PPP2R2B: variants seen among roughly 807,000 people sequenced by gnomAD.
The protein encoded by PPP2R2B is protein phosphatase 2 regulatory subunit Bbeta.
A neutral mutation model predicts 46.0 loss-of-function variants in PPP2R2B; 5 were observed. The observed-to-expected ratio is 0.11, with a 90% CI of 0.06 to 0.23. PPP2R2B has a LOEUF of 0.23. Among genes scored for constraint, PPP2R2B ranks in the 10% least tolerant of loss-of-function variants. The pLI is 1.00. For synonymous variants in PPP2R2B, 215 were observed against 206.7 expected, an observed-to-expected ratio of 1.04 and a Z score of -0.34; for missense variants, 367 against 575.0, an observed-to-expected ratio of 0.64 and a Z score of 3.70.
intron 2 of PPP2R2B, among the ~76,000 whole-genome samples, chr5:147,079,675 T>G (rs932572662): frequency 4.6e-5 from 7 of 151,848 alleles, no homozygotes; most frequent in African/African-American, 1.5e-4. Context: ...TGAATAGTGG[T>G]TACCAGAGGC....
chr5:146,727,165 G>T (rs534654287), intron 2 of PPP2R2B, among the ~76,000 whole-genome samples: 3 of 151,822 alleles, frequency 2.0e-5, no homozygotes, highest in Non-Finnish European at 4.4e-5. Flanking sequence ...CAAGAACAAG[G>T]TCTCATTGTA....
chr5:146,845,164 G>A (rs558347583), intron 2 of PPP2R2B, among the ~76,000 whole-genome samples: 72 of 152,156 alleles, frequency 4.7e-4, no homozygotes, highest in African/African-American at 1.7e-3. Context: ...TGTATGGCTG[G>A]CTCATTGTCA....
intron 2 of PPP2R2B, among the ~76,000 whole-genome samples, chr5:146,702,865 C>A (rs1293393239): frequency 6.6e-6 from 1 of 152,078 alleles, no homozygotes; most frequent in Non-Finnish European, 1.5e-5. Flanking sequence ...TGAATACTAC[C>A]TTAAGGAAAC....
chr5:146,784,748 T>C (rs947938624), intron 2 of PPP2R2B, among the ~76,000 whole-genome samples: 6 of 152,216 alleles, frequency 3.9e-5, no homozygotes, highest in Non-Finnish European at 7.3e-5. Flanking sequence ...ACATTGTCCA[T>C]TTTTCTAGTT....
At chr5:146,970,336 C>A (rs1471284421) in intron 1 of PPP2R2B, among the ~76,000 whole-genome samples, 1 of 151,886 alleles carries the variant, frequency 6.6e-6, no homozygotes, top group Non-Finnish European at 1.5e-5. Flanking sequence ...TGCGGTGGTT[C>A]ATGCCTGTAA....
chr5:146,617,582 G>A (rs887896914), intron 7 of PPP2R2B, among the ~76,000 whole-genome samples: 7 of 152,122 alleles, frequency 4.6e-5, no homozygotes, highest in Non-Finnish European at 8.8e-5. Context: ...CACTATGATA[G>A]GTGCTAGAGT....
At position 146,932,890 on chromosome 5, in the gene PPP2R2B, G is replaced by A. The variant is rs191160922; in HGVS notation, c.79+122775C>T. On this transcript the variant is annotated intron_variant, in intron 1 of 8. Coordinates refer to the PPP2R2B transcript ENST00000336640. ...AAGTAGATCAAGAAGACTTCCTTGAGCAAGGGGGCAGAGGAGAAAGCTATA... is the reference window on the plus strand; with the variant it reads ...AAGTAGATCAAGAAGACTTCCTTGAACAAGGGGGCAGAGGAGAAAGCTATA... Among the ~76,000 whole-genome samples, 118 of 152,286 alleles carry A rather than the reference G, an allele frequency of 7.7e-4. No individual in the cohort carries two copies. In the East Asian group the frequency reaches 0.017, roughly 22 times the overall value.
chr5:146,634,374 G>A (rs370259), intron 7 of PPP2R2B, among the ~76,000 whole-genome samples: 19,566 of 151,846 alleles, frequency 0.13, 2,425 homozygotes, highest in African/African-American at 0.31. Context: ...TTGCTCTGTC[G>A]CCAAGGCTGG....
intron 1 of PPP2R2B, among the ~76,000 whole-genome samples, chr5:146,926,183 C>CT (rs939420358): frequency 2.6e-4 from 39 of 151,634 alleles, no homozygotes; most frequent in Admixed American, 7.9e-4. Context: ...ATGGGTAACA[C>CT]TTTTTTTTCT....
chr5:147,032,330 A>G (rs578223063), intron 1 of PPP2R2B, among the ~76,000 whole-genome samples: 2 of 152,352 alleles, frequency 1.3e-5, no homozygotes, highest in Non-Finnish European at 2.9e-5. Context: ...AGAAATGCAA[A>G]TCAAGACCGC....
intron 2 of PPP2R2B, among the ~76,000 whole-genome samples, chr5:146,808,958 GGTGT>G (rs35023590): frequency 0.38 from 55,877 of 146,156 alleles, 10,326 homozygotes; most frequent in Non-Finnish European, 0.41. Flanking sequence ...TGCTAACACT[GGTGT>G]GTGTGTGTGT....
intron 1 of PPP2R2B, among the ~76,000 whole-genome samples, chr5:146,955,558 T>C (rs1278200042): frequency 1.3e-5 from 2 of 152,076 alleles, no homozygotes; most frequent in Admixed American, 6.6e-5. Flanking sequence ...CATAAAAAAA[T>C]TAAGCCATTC....
At chr5:146,684,147 A>G (rs1342530504) in intron 5 of PPP2R2B, among the ~76,000 whole-genome samples, 1 of 152,208 alleles carries the variant, frequency 6.6e-6, no homozygotes, top group Non-Finnish European at 1.5e-5. Context: ...CAACAAATGT[A>G]AGGAAAGGAA....
At chr5:146,782,545 G>C (rs1331312214) in intron 2 of PPP2R2B, among the ~76,000 whole-genome samples, 2 of 152,126 alleles carry the variant, frequency 1.3e-5, no homozygotes, top group African/African-American at 4.8e-5. Context: ...CCAGTTATTA[G>C]CAAATTTTTC....
intron 2 of PPP2R2B, among the ~76,000 whole-genome samples, chr5:146,812,667 GTATATATATATATATATATA>G (rs1186426182): frequency 0.29 from 183 of 638 alleles, 30 homozygotes; most frequent in African/African-American, 0.46. Context: ...CCTCAGAAGA[GTATATATATATATATATATA>G]TATATATATA....
chr5:146,646,809 G>A (rs2151089457), intron 6 of PPP2R2B, among the ~76,000 whole-genome samples: 1 of 152,258 alleles, frequency 6.6e-6, no homozygotes, highest in East Asian at 1.9e-4. Context: ...CCTGTTTACT[G>A]AGCATTTGCT....
At chr5:147,030,227 G>A (rs1437318247) in intron 1 of PPP2R2B, among the ~76,000 whole-genome samples, 1 of 152,074 alleles carries the variant, frequency 6.6e-6, no homozygotes, top group Non-Finnish European at 1.5e-5. Flanking sequence ...TTATTCCTAA[G>A]TAGTTGATGT....
At chr5:146,702,907 G>A (rs114754693) in intron 2 of PPP2R2B, among the ~76,000 whole-genome samples, 2,549 of 152,302 alleles carry the variant, frequency 0.017, 22 homozygotes, top group Non-Finnish European at 0.026. Context: ...CTAAGTTCCA[G>A]ATGTAAGTTT....
intron 1 of PPP2R2B, among the ~76,000 whole-genome samples, chr5:147,041,923 T>C (rs1756328387): frequency 6.6e-6 from 1 of 152,004 alleles, no homozygotes; most frequent in Admixed American, 6.6e-5. Flanking sequence ...GACCCTCCCT[T>C]AGCTAAGAGA....
Sources: gnomAD v4.1 joint callset for allele counts (sites outside exome capture counted in the v4.1 genomes callset) on GRCh38, gnomAD v4.1.1 for gene constraint, MANE v1.5 for transcripts, NCBI Gene and HGNC (gene_info 2026-07-23, HGNC 2026-07-21) for gene names.